Variants in SYT1 observed in about 807,000 individuals in gnomAD.
SYT1 encodes the protein synaptotagmin 1.
Under a neutral mutation model 44.8 loss-of-function variants are expected in SYT1, and 8 were observed. The observed-to-expected ratio is 0.18, with a 90% CI of 0.10 to 0.32. The LOEUF is 0.32. SYT1 is among the 10% of genes least tolerant of loss of function. The pLI is 1.00. For synonymous variants in SYT1, 154 were observed against 188.8 expected (o/e 0.82, Z 1.51); for missense variants, 286 against 509.3 (o/e 0.56, Z 4.22).
chr12:79,446,015 A>ATATATATATATACATATATATATATATG lies in SYT1; in HGVS notation c.1062+1821_1062+1822insCATATATATATATATGTATATATATATA, dbSNP rs1870703774. Among the ~76,000 whole-genome samples the ATATATATATATACATATATATATATATG allele has an allele frequency of 7.3e-4, 83 of 113,582 alleles. 2 individuals carry two copies. In the Middle Eastern group the frequency reaches 0.014, roughly 20 times the overall value. The allele number at this position is 113,582 out of a possible 152,430, so 74.5% of individuals were successfully genotyped here. ...CATATATATATATATATATATATATATATATATATATATATATATTATGCC... is the reference window on the plus strand; with the variant it reads ...CATATATATATATATATATATATATATATATATATATACATATATATATATATGTATATATATATATATATATTATGCC... On this transcript the variant is annotated intron_variant, in intron 10 of 10. Coordinates refer to ENST00000261205, the MANE Select transcript of SYT1 (RefSeq NM_005639.3).
chr12:79,231,680 G>C (rs1200857846), intron 4 of SYT1, among the ~76,000 whole-genome samples: 1 of 152,066 alleles, frequency 6.6e-6, no homozygotes, highest in East Asian at 1.9e-4. Flanking sequence ...TTATTTTAAT[G>C]TAAAAATATA....
chr12:78,941,787 C>T (rs17203967), intron 1 of SYT1, among the ~76,000 whole-genome samples: 8,972 of 152,258 alleles, frequency 0.059, 289 homozygotes, highest in Admixed American at 0.089. Context: ...GACACCTGGT[C>T]AGTTCACCTG....
chr12:79,283,253 C>T (rs1343966490), intron 4 of SYT1, among the ~76,000 whole-genome samples: 1 of 152,108 alleles, frequency 6.6e-6, no homozygotes, highest in African/African-American at 2.4e-5. Context: ...CATATTCCAA[C>T]TTAAAGTTAT....
At chr12:78,899,392 G>GA (rs1875535631) in intron 1 of SYT1, among the ~76,000 whole-genome samples, 1 of 151,604 alleles carries the variant, frequency 6.6e-6, no homozygotes, top group Non-Finnish European at 1.5e-5. Context: ...ACGAACCCTG[G>GA]AAAAAATTTT....
intron 3 of SYT1, among the ~76,000 whole-genome samples, chr12:79,126,922 A>G (rs558100999): frequency 3.9e-5 from 6 of 152,306 alleles, no homozygotes; most frequent in Admixed American, 2.6e-4. Flanking sequence ...GAATTAACAC[A>G]TCATGCTTGT....
At chr12:78,880,544 C>T (rs1231991857) in intron 1 of SYT1, among the ~76,000 whole-genome samples, 1 of 151,430 alleles carries the variant, frequency 6.6e-6, no homozygotes. Context: ...TCTCCGAATG[C>T]CTAAAACAAC....
chr12:79,322,426 T>C (rs1358287962), intron 8 of SYT1, among the ~76,000 whole-genome samples: 1 of 152,204 alleles, frequency 6.6e-6, no homozygotes, highest in East Asian at 1.9e-4. Context: ...TCCATATATT[T>C]CTGTTTTTAT....
chr12:79,052,150 C>A (rs531755043), intron 3 of SYT1, among the ~76,000 whole-genome samples: 2 of 152,044 alleles, frequency 1.3e-5, no homozygotes, highest in African/African-American at 4.8e-5. Context: ...TTGATTCTTC[C>A]TACCCACGAG....
intron 1 of SYT1, among the ~76,000 whole-genome samples, chr12:78,964,835 T>C (rs1457460698): frequency 6.6e-6 from 1 of 152,134 alleles, no homozygotes; most frequent in East Asian, 1.9e-4. Flanking sequence ...TTTCTTCTCC[T>C]CTTAGAAGAG....
intron 9 of SYT1, among the ~76,000 whole-genome samples, chr12:79,364,812 G>A (rs1883473774): frequency 6.6e-6 from 1 of 152,106 alleles, no homozygotes; most frequent in South Asian, 2.1e-4. Context: ...TCGTGATAGT[G>A]CACTTGCAGA....
rs753993669 is a variant in SYT1, at chr12:79,451,769, G to GTGTT, written c.*2647_*2650dup. ...TTGTGTATATTTACTGCCTGCTTGAGTGTTTCTATGTGTGGGTTTTCCCTG... is the reference window on the plus strand; with the variant it reads ...TTGTGTATATTTACTGCCTGCTTGAGTGTTTGTTTCTATGTGTGGGTTTTCCCTG... On this transcript the variant is annotated 3_prime_UTR_variant, in exon 11 of 11. Transcript: ENST00000261205. 7 of 152,184 alleles carry GTGTT rather than the reference G, an allele frequency of 4.6e-5. No individual in the cohort carries two copies. Among genetic ancestry groups the GTGTT allele is most frequent in the South Asian group, 2.1e-4 (1 of 4,828 alleles). 9.4% of individuals were successfully genotyped at this position (152,184 alleles called of 1,614,324 possible).
intron 3 of SYT1, among the ~76,000 whole-genome samples, chr12:79,094,934 A>T (rs1486114132): frequency 6.6e-6 from 1 of 151,988 alleles, no homozygotes; most frequent in Non-Finnish European, 1.5e-5. Flanking sequence ...CTCCCAAAAG[A>T]AAGGCAGTCA....
intron 3 of SYT1, among the ~76,000 whole-genome samples, chr12:79,062,623 T>A (rs529467697): frequency 3.3e-5 from 5 of 152,166 alleles, no homozygotes; most frequent in Non-Finnish European, 7.3e-5. Flanking sequence ...TTCTTAAAAA[T>A]TCCCCATGGT....
At chr12:79,417,567 AT>A (rs1668818246) in intron 9 of SYT1, among the ~76,000 whole-genome samples, 1 of 152,066 alleles carries the variant, frequency 6.6e-6, no homozygotes, top group African/African-American at 2.4e-5. Flanking sequence ...AAAATATTTA[AT>A]TGGTTTTAAT....
At chr12:79,253,464 C>A (rs1396980342) in intron 4 of SYT1, among the ~76,000 whole-genome samples, 1 of 148,430 alleles carries the variant, frequency 6.7e-6, no homozygotes, top group Non-Finnish European at 1.5e-5. Context: ...CTAACTGTTC[C>A]ACCAAAAGCC....
chr12:79,085,831 G>A (rs1479626302), intron 3 of SYT1, among the ~76,000 whole-genome samples: 2 of 152,048 alleles, frequency 1.3e-5, no homozygotes, highest in African/African-American at 2.4e-5. Context: ...CCTGAGATGG[G>A]ACTTTGAGTA....
intron 3 of SYT1, among the ~76,000 whole-genome samples, chr12:79,128,517 G>A (rs1025399342): frequency 1.3e-5 from 2 of 152,230 alleles, no homozygotes; most frequent in African/African-American, 4.8e-5. Flanking sequence ...ACACACTTAT[G>A]TTTAAAGTCT....
At chr12:79,330,237 T>A (rs1460033560) in intron 8 of SYT1, among the ~76,000 whole-genome samples, 2 of 152,202 alleles carry the variant, frequency 1.3e-5, no homozygotes, top group Non-Finnish European at 2.9e-5. Context: ...TTCCTGTGCA[T>A]TCAGGAAGAC....
chr12:79,153,103 G>A (rs111819100), intron 3 of SYT1, among the ~76,000 whole-genome samples: 52 of 152,074 alleles, frequency 3.4e-4, no homozygotes, highest in Admixed American at 8.5e-4. Flanking sequence ...CCCAAAAAAG[G>A]CATTAAACTC....
Sources: allele counts gnomAD v4.1 joint callset (sites outside exome capture counted in the v4.1 genomes callset), GRCh38; gene constraint gnomAD v4.1.1; transcripts MANE v1.5; gene names NCBI Gene and HGNC (gene_info 2026-07-23, HGNC 2026-07-21).